Variants in VSTM5 observed in about 807,000 individuals in gnomAD.
The protein encoded by VSTM5 is V-set and transmembrane domain-containing protein 5.
VSTM5 carries 21 observed loss-of-function variants against 20.3 expected under a neutral mutation model. That is an observed-to-expected ratio of 1.03 (90% confidence interval 0.73 to 1.49). VSTM5 has a LOEUF of 1.49. VSTM5 is among the 40% of genes most tolerant of loss of function. The pLI is 0.00. For synonymous variants in VSTM5, 100 were observed against 102.5 expected, an observed-to-expected ratio of 0.98 and a Z score of 0.14; for missense variants, 219 against 250.0, an observed-to-expected ratio of 0.88 and a Z score of 0.84.
chr11:93,831,797 T>C (rs1185153681), intron 1 of VSTM5, among the ~76,000 whole-genome samples: 1 of 152,216 alleles, frequency 6.6e-6, no homozygotes, highest in Admixed American at 6.5e-5. Context: ...AGATATCAGA[T>C]GTTATATTAT....
chr11:93,831,656 C>A (rs550121804), intron 1 of VSTM5, among the ~76,000 whole-genome samples: 8 of 152,156 alleles, frequency 5.3e-5, no homozygotes, highest in Non-Finnish European at 1.0e-4. Context: ...ACCCAAACAA[C>A]GTAAACAGAT....
rs1268500331 is a variant in VSTM5, at chr11:93,819,557, ACTGTGGGCTT to A, written c.*1002_*1011del. 3 of 152,282 alleles carry A rather than the reference ACTGTGGGCTT, an allele frequency of 2.0e-5. No homozygotes were observed. Among genetic ancestry groups the A allele is most frequent in the African/African-American group, 7.2e-5 (3 of 41,458 alleles). The allele number at this position is 152,282 out of a possible 1,614,324, so 9.4% of individuals were successfully genotyped here. On this transcript the variant is annotated 3_prime_UTR_variant, in exon 4 of 4. Transcript: ENST00000409977. ...AAGTTGCTCAGAGAACTCTGTGCAT[ACTGTGGGCTT>A]CTCTTGATACTCTGACTGTGAGGTA...
intron 1 of VSTM5, among the ~76,000 whole-genome samples, chr11:93,835,261 TA>T (rs530140121): frequency 9.1e-4 from 133 of 146,020 alleles, no homozygotes; most frequent in East Asian, 6.3e-3. Flanking sequence ...CACGTCTCTT[TA>T]AAAAAAAAAA....
intron 1 of VSTM5, among the ~76,000 whole-genome samples, chr11:93,829,049 G>T (rs1944260299): frequency 6.6e-6 from 1 of 152,166 alleles, no homozygotes; most frequent in Non-Finnish European, 1.5e-5. Flanking sequence ...TCAGCAACAG[G>T]CCGGGCAATG....
At chr11:93,834,118 A>G (rs1944304103) in intron 1 of VSTM5, among the ~76,000 whole-genome samples, 1 of 151,840 alleles carries the variant, frequency 6.6e-6, no homozygotes, top group South Asian at 2.1e-4. Flanking sequence ...ACAATGTTCT[A>G]CTCTTTCTCT....
At chr11:93,839,541 C>CA (rs1453107902) in intron 1 of VSTM5, among the ~76,000 whole-genome samples, 3 of 152,178 alleles carry the variant, frequency 2.0e-5, no homozygotes, top group Non-Finnish European at 2.9e-5. Context: ...TGTGAAAACT[C>CA]AGAGTATGAC....
chr11:93,821,608 C>T (rs894062749), intron 1 of VSTM5: 13 of 417,546 alleles, frequency 3.1e-5, no homozygotes, highest in Non-Finnish European at 5.6e-5. Flanking sequence ...AGGTGGACTA[C>T]AGAGGTTCTC....
At position 93,842,129 on chromosome 11, in the gene VSTM5, T is replaced by G. The variant is rs1944375131; in HGVS notation, c.91+8283A>C. On this transcript the variant is annotated intron_variant, in intron 1 of 3. Coordinates refer to ENST00000409977, the MANE Select transcript of VSTM5 (RefSeq NM_001144871.2). Reference sequence around the variant, plus strand: ...TCAGTCTCTAACACTTGGTGATAGCTCAATAAATAGTAGGTATTATTAATG... The same window carrying G: ...TCAGTCTCTAACACTTGGTGATAGCGCAATAAATAGTAGGTATTATTAATG... 5.3e-5 allele frequency among the ~76,000 whole-genome samples: 8 copies of G among 152,196 alleles called. No individual in the cohort carries two copies. The South Asian group carries it at 1.4e-3, about 28-fold the overall frequency.
chr11:93,837,389 C>T (rs138463736), intron 1 of VSTM5, among the ~76,000 whole-genome samples: 57 of 152,176 alleles, frequency 3.7e-4, no homozygotes, highest in Middle Eastern at 6.8e-3. Flanking sequence ...CATGCATGTG[C>T]ATGCACCCAT....
In VSTM5 at chr11:93,850,594, T is replaced by C; in HGVS notation, c.-92A>G. ...CCTTCTCTCTTCCTCCGCCTCTGGC[T>C]GCCGCAGGTTCTTTAGGGCCAGATG... On this transcript the variant is annotated 5_prime_UTR_variant, in exon 1 of 4. Transcript: ENST00000409977. 1.4e-6 allele frequency: 1 copy of C among 709,582 alleles called. No individual in the cohort carries two copies. Among genetic ancestry groups the C allele is most frequent in the Non-Finnish European group, 1.9e-6 (1 of 527,184 alleles). The allele number at this position is 709,582 out of a possible 1,614,324, so 44.0% of individuals were successfully genotyped here.
intron 1 of VSTM5, among the ~76,000 whole-genome samples, chr11:93,835,439 A>T: frequency 6.6e-6 from 1 of 152,294 alleles, no homozygotes; most frequent in East Asian, 1.9e-4. Context: ...AATTTAAAAA[A>T]ATTAAAAAGA....
At chr11:93,838,181 A>G (rs1944339085) in intron 1 of VSTM5, among the ~76,000 whole-genome samples, 2 of 141,614 alleles carry the variant, frequency 1.4e-5, no homozygotes, top group African/African-American at 5.9e-5. Context: ...CAATGATTCA[A>G]TTTAAAAAAG....
At chr11:93,829,463 G>T (rs941045082) in intron 1 of VSTM5, among the ~76,000 whole-genome samples, 3 of 152,202 alleles carry the variant, frequency 2.0e-5, no homozygotes, top group African/African-American at 7.2e-5. Flanking sequence ...GGGAGGCACA[G>T]GTTGGCAGTG....
Position 93,820,049 on chromosome 11 carries a change from C to T in VSTM5, c.*520G>A, listed in dbSNP as rs1944166898. ...CCTCTGCTCTGAGGCAGCAGATTGT[C>T]TAAAAGCCTCAGGTTTTCTCACAAT... On this transcript the variant is annotated 3_prime_UTR_variant, in exon 4 of 4. Coordinates refer to ENST00000409977, the MANE Select transcript of VSTM5 (RefSeq NM_001144871.2). 6.1e-6 allele frequency: 1 copy of T among 162,984 alleles called. No individual in the cohort carries two copies. Among genetic ancestry groups the T allele is most frequent in the South Asian group, 1.8e-4 (1 of 5,624 alleles). The allele number at this position is 162,984 out of a possible 1,614,324, so 10.1% of individuals were successfully genotyped here. A position where few individuals can be genotyped will look rare whatever the true frequency, so the allele number is the denominator to read the frequency against.
Position 93,848,579 on chromosome 11 carries a change from G to A in VSTM5, c.91+1833C>T, listed in dbSNP as rs147730125. On this transcript the variant is annotated intron_variant, in intron 1 of 3. Coordinates refer to ENST00000409977, the MANE Select transcript of VSTM5 (RefSeq NM_001144871.2). ...AGGTATGGGCAGGTGGGGCTGTTTT[G>A]GGGAAGTTTCCTCAAGTCTGGATTC... Among the ~76,000 whole-genome samples, 190 of 152,324 alleles carry A rather than the reference G, an allele frequency of 1.2e-3. 1 individual carries two copies. Among genetic ancestry groups the A allele is most frequent in the Middle Eastern group, 3.4e-3 (1 of 294 alleles).
intron 1 of VSTM5, among the ~76,000 whole-genome samples, chr11:93,847,817 T>C (rs1417266071): frequency 6.6e-6 from 1 of 152,258 alleles, no homozygotes; most frequent in Admixed American, 6.5e-5. Context: ...TGATGTGGCT[T>C]AAACCACAGT....
chr11:93,818,648 A>T lies in VSTM5; in HGVS notation c.*1921T>A, dbSNP rs1944152040. Reference sequence around the variant, plus strand: ...CTGACTTCGGGACAAGCGGAAGAGCAGAGTTCTGAAAGGCAGGTAGTGTGG... The same window carrying T: ...CTGACTTCGGGACAAGCGGAAGAGCTGAGTTCTGAAAGGCAGGTAGTGTGG... On this transcript the variant is annotated 3_prime_UTR_variant, in exon 4 of 4. Transcript: ENST00000409977. 6.6e-6 allele frequency: 1 copy of T among 151,948 alleles called. No homozygotes were observed. The highest frequency in any genetic ancestry group is 6.6e-5 in the Admixed American group (1 of 15,234). 9.4% of individuals were successfully genotyped at this position (151,948 alleles called of 1,614,324 possible).
intron 1 of VSTM5, among the ~76,000 whole-genome samples, chr11:93,845,278 C>T (rs959413451): frequency 3.9e-5 from 6 of 152,164 alleles, no homozygotes; most frequent in Non-Finnish European, 8.8e-5. Context: ...ACATATGGGG[C>T]TTACATACAC....
intron 1 of VSTM5, among the ~76,000 whole-genome samples, chr11:93,828,499 G>A (rs1319643298): frequency 6.6e-6 from 1 of 152,052 alleles, no homozygotes; most frequent in Non-Finnish European, 1.5e-5. Context: ...TTCAGAAGGG[G>A]GATATATTTC....
Sources: allele counts gnomAD v4.1 joint callset (sites outside exome capture counted in the v4.1 genomes callset), GRCh38; gene constraint gnomAD v4.1.1; transcripts MANE v1.5; gene names NCBI Gene and HGNC (gene_info 2026-07-23, HGNC 2026-07-21).